The following ACIN1 variants were observed in gnomAD, a reference collection of about 807,000 sequenced individuals.
ACIN1 encodes apoptotic chromatin condensation inducer in the nucleus.
ACIN1 carries 16 observed loss-of-function variants against 146.6 expected under a neutral mutation model. The ratio of observed to expected loss-of-function variants is 0.11; its 90% CI spans 0.07 to 0.17. The LOEUF (loss-of-function observed/expected upper bound fraction) is 0.17, where lower values mean the gene tolerates loss of function less well. Ranked by LOEUF, ACIN1 falls within the 10% of genes least tolerant of loss-of-function variation. The pLI is 1.00. For missense variants in ACIN1, 1,357 were observed against 1,609.3 expected, an observed-to-expected ratio of 0.84 and a Z score of 2.68; for synonymous variants, 569 against 582.7, an observed-to-expected ratio of 0.98 and a Z score of 0.34.
At chr14:23,070,156 T>G (rs1167845331) in intron 8 of ACIN1, among the ~76,000 whole-genome samples, 3 of 125,190 alleles carry the variant, frequency 2.4e-5, no homozygotes, top group African/African-American at 9.1e-5. Flanking sequence ...AAAGGCCTGC[T>G]GATCCTCAGG....
At chr14:23,064,064 G>A in intron 12 of ACIN1, 41 bp downstream of exon 12, 2 of 1,611,240 alleles carry the variant, frequency 1.2e-6, no homozygotes, top group Non-Finnish European at 1.7e-6. Context: ...TGCATCTACT[G>A]CTCCCACCTT....
chr14:23,078,051 A>G lies in ACIN1; in HGVS notation c.2123+100T>C, dbSNP rs868115264. On this transcript the variant is annotated intron_variant, in intron 8 of 18. Transcript: ENST00000605057. Reference sequence around the variant, plus strand: ...GATAAAGCTCTGCCTTTATGTTTTAAAAGGAAACTAGGACTGCTTAGTCAA... The same window carrying G: ...GATAAAGCTCTGCCTTTATGTTTTAGAAGGAAACTAGGACTGCTTAGTCAA... 14 of 1,058,008 alleles carry G rather than the reference A, an allele frequency of 1.3e-5. 1 individual carries two copies. The Middle Eastern group carries it at 2.7e-3, about 205-fold the overall frequency. The allele number at this position is 1,058,008 out of a possible 1,614,324, so 65.5% of individuals were successfully genotyped here. A position where few individuals can be genotyped will look rare whatever the true frequency, so the allele number is the denominator to read the frequency against.
chr14:23,070,201 G>C (rs1053260839), intron 8 of ACIN1, among the ~76,000 whole-genome samples: 2 of 151,044 alleles, frequency 1.3e-5, no homozygotes, highest in East Asian at 3.9e-4. Flanking sequence ...AATGGTGGGG[G>C]GTGGGGGGTG....
Position 23,079,704 on chromosome 14 carries a change from C to G in ACIN1, c.1631G>C (p.Arg544Pro). 6.2e-7 allele frequency: 1 copy of G among 1,613,982 alleles called. No homozygotes were observed. The highest frequency in any genetic ancestry group is 8.5e-7 in the Non-Finnish European group (1 of 1,180,004). Residue 544 changes from arginine (R) to proline (P), a missense_variant, in exon 6 of 19, where the codon CGG becomes CCG. By Grantham distance (103) the Arg-to-Pro change is moderately radical. Coordinates refer to ENST00000605057, the MANE Select transcript of ACIN1 (RefSeq NM_001386863.1). ...CTTGGATCTGAGCGGTGAATGAGAC[C>G]GAGAACCTGAACTGTCAGGAGAGCG... ...RSRSPDSSGS[R>P]SHSPLRSKQR...
chr14:23,089,168 G>A (rs139538970), intron 4 of ACIN1, among the ~76,000 whole-genome samples: 164 of 152,252 alleles, frequency 1.1e-3, no homozygotes, highest in African/African-American at 3.7e-3. Flanking sequence ...AGCCTCCCGA[G>A]TCACTGGGAT....
chr14:23,060,807 G>A (rs534632790), intron 18 of ACIN1, among the ~76,000 whole-genome samples: 2 of 152,192 alleles, frequency 1.3e-5, no homozygotes, highest in Non-Finnish European at 2.9e-5. Context: ...CACCACGCAC[G>A]GCCTAAAATC....
rs772187939 is a variant in ACIN1 at position 23,078,839 on chromosome 14, T to C, written c.1988A>G (p.Gln663Arg). 7 of 1,612,764 alleles carry C rather than the reference T, an allele frequency of 4.3e-6. No homozygotes were observed. Among genetic ancestry groups the C allele is most frequent in the Non-Finnish European group, 5.9e-6 (7 of 1,180,014 alleles). ...QPESAEKHVT[Q>R]RLQPERGSPK... ...GCCTACCCGCTCAGGCTGTAACCTCTGGGTCACATGCTTTTCAGCTGATTC... is the reference window on the plus strand; with the variant it reads ...GCCTACCCGCTCAGGCTGTAACCTCCGGGTCACATGCTTTTCAGCTGATTC... Residue 663 changes from glutamine to arginine, a missense_variant, in exon 7 of 19, where the codon CAG becomes CGG. Around this residue, in one of 4 missense-constraint regions of ACIN1, gnomAD observed 771 missense variants for 746.6 expected, o/e 1.03. Coordinates refer to ENST00000605057, the MANE Select transcript of ACIN1 (RefSeq NM_001386863.1).
chr14:23,060,260 T>TGCCTAGCCACCAA, intron 18 of ACIN1, among the ~76,000 whole-genome samples: 1 of 151,602 alleles, frequency 6.6e-6, no homozygotes, highest in South Asian at 2.1e-4. Context: ...TGAGCCACCA[T>TGCCTAGCCACCAA]GCCTAGCCAC....
chr14:23,079,170 TTGTC>T, intron 6 of ACIN1, 132 bp from the exon 7 acceptor site: 1 of 946,188 alleles, frequency 1.1e-6, no homozygotes, highest in Non-Finnish European at 1.5e-6. Context: ...TACTCCCATT[TTGTC>T]TGTGTTTATT....
intron 4 of ACIN1, among the ~76,000 whole-genome samples, chr14:23,089,612 T>A (rs1230251214): frequency 6.6e-6 from 1 of 152,194 alleles, no homozygotes; most frequent in Non-Finnish European, 1.5e-5. Context: ...AATAAAAATT[T>A]GTTGATTAAA....
At chr14:23,071,222 A>C in intron 8 of ACIN1, 1 of 1,517,112 alleles carries the variant, frequency 6.6e-7, no homozygotes, top group Non-Finnish European at 8.8e-7. Context: ...CAAACAAAAA[A>C]AATCCTAAAA....
intron 4 of ACIN1, among the ~76,000 whole-genome samples, chr14:23,088,678 T>C (rs1363887258): frequency 2.0e-5 from 3 of 152,244 alleles, no homozygotes; most frequent in Admixed American, 1.3e-4. Flanking sequence ...AAAATACTTG[T>C]TAAGTTACAC....
intron 6 of ACIN1, 139 bp downstream of exon 6, chr14:23,079,408 G>A: frequency 7.1e-7 from 1 of 1,403,352 alleles, no homozygotes; most frequent in Non-Finnish European, 9.6e-7. Context: ...CTGAAATGAG[G>A]AGAAAGTAAT....
At chr14:23,070,795 C>T (rs2047616901) in intron 8 of ACIN1, among the ~76,000 whole-genome samples, 1 of 152,070 alleles carries the variant, frequency 6.6e-6, no homozygotes. Flanking sequence ...AGAAGAACCT[C>T]CCTAGAGCAG....
At chr14:23,095,408 G>A, upstream of ACIN1, 1 of 1,259,334 alleles carries the variant, frequency 7.9e-7, no homozygotes, top group Non-Finnish European at 1.1e-6. Context: ...CCTCGACCCT[G>A]GTATAACCAT....
chr14:23,079,763 G>A lies in ACIN1; in HGVS notation c.1572C>T (p.Ser524=). ...ATCTAGAACTGGAGGAGGAAGATGAGGAGGACCGGCTAGAGGATGAATCAG... is the reference window on the plus strand; with the variant it reads ...ATCTAGAACTGGAGGAGGAAGATGAAGAGGACCGGCTAGAGGATGAATCAG... ...QSADSSSSRS[S]SSSSSSSRSR... The change falls in exon 6 of 19, where the codon TCC becomes TCT. Residue 524 remains serine, a synonymous_variant. Transcript: ENST00000605057. 1 of 1,614,166 alleles carries A rather than the reference G, an allele frequency of 6.2e-7. No homozygotes were observed. The highest frequency in any genetic ancestry group is 8.5e-7 in the Non-Finnish European group (1 of 1,180,044).
At chr14:23,077,821 G>A (rs1425456142) in intron 8 of ACIN1, 2 of 165,896 alleles carry the variant, frequency 1.2e-5, no homozygotes, top group East Asian at 1.7e-4. Flanking sequence ...GTAAACATGA[G>A]TTAAAGATTA....
At chr14:23,087,730 T>C (rs2048123858) in intron 4 of ACIN1, among the ~76,000 whole-genome samples, 1 of 152,116 alleles carries the variant, frequency 6.6e-6, no homozygotes, top group Non-Finnish European at 1.5e-5. Context: ...TCATACTTAC[T>C]GGCCTGGCAT....
chr14:23,071,195 G>A, intron 8 of ACIN1: 1 of 1,521,754 alleles, frequency 6.6e-7, no homozygotes, highest in Non-Finnish European at 8.8e-7. Context: ...TTCTGGAATG[G>A]AAGAAATAAC....
Sources: gnomAD v4.1 joint callset for allele counts (sites outside exome capture counted in the v4.1 genomes callset) on GRCh38, gnomAD v4.1.1 for gene constraint, gnomAD v4.1.1 regional missense constraint, MANE v1.5 for transcripts, NCBI Gene and HGNC (gene_info 2026-07-23, HGNC 2026-07-21) for gene names.